STON1: variants seen among roughly 807,000 people sequenced by gnomAD.
The protein encoded by STON1 is stonin 1.
In STON1, 79 loss-of-function variants were observed where a neutral mutation model predicts 60.9. That is an observed-to-expected ratio of 1.30 (90% CI 1.08 to 1.56). The LOEUF (loss-of-function observed/expected upper bound fraction) is 1.56, where lower values mean the gene tolerates loss of function less well. STON1 is among the 40% of genes most tolerant of loss of function. The probability of loss-of-function intolerance (pLI) is 0.00; values close to 1 mark genes in which losing one functional copy is unlikely to be tolerated. For synonymous variants in STON1, 363 were observed against 306.9 expected (o/e 1.18, Z -1.91); for missense variants, 1,166 against 858.9 (o/e 1.36, Z -4.47).
intron 2 of STON1, 98 bp downstream of exon 2, chr2:48,582,661 T>G: frequency 2.0e-6 from 3 of 1,497,112 alleles, no homozygotes; most frequent in South Asian, 2.8e-5. Context: ...AGATGGCAAT[T>G]TGTCAGCTGA....
chr2:48,562,871 T>A (rs1374707178), intron 1 of STON1, among the ~76,000 whole-genome samples: 2 of 152,168 alleles, frequency 1.3e-5, no homozygotes, highest in Non-Finnish European at 2.9e-5. Context: ...AAAGCCCCCA[T>A]TAAGGGAGCT....
intron 1 of STON1, among the ~76,000 whole-genome samples, chr2:48,571,441 C>A (rs146819134): frequency 1.3e-5 from 2 of 152,262 alleles, no homozygotes; most frequent in East Asian, 1.9e-4. Flanking sequence ...TTAAATGAGA[C>A]GTTGCCTGTG....
intron 1 of STON1, among the ~76,000 whole-genome samples, chr2:48,565,426 C>G (rs995471231): frequency 6.6e-6 from 1 of 151,968 alleles, no homozygotes; most frequent in African/African-American, 2.4e-5. Flanking sequence ...TCTAATGGCC[C>G]CATCTCTAAA....
At chr2:48,586,321 T>C (rs1296653424) in intron 2 of STON1, among the ~76,000 whole-genome samples, 1 of 152,212 alleles carries the variant, frequency 6.6e-6, no homozygotes. Context: ...ATAGGTTCTG[T>C]GCTGAGTGTT....
chr2:48,555,543 G>A (rs1223747095), intron 1 of STON1, among the ~76,000 whole-genome samples: 1 of 68,590 alleles, frequency 1.5e-5, no homozygotes, highest in Non-Finnish European at 3.0e-5. Flanking sequence ...CTGGCCGGGC[G>A]TGGGGCTGAC....
chr2:48,564,204 T>G (rs916894794), intron 1 of STON1, among the ~76,000 whole-genome samples: 1 of 152,168 alleles, frequency 6.6e-6, no homozygotes, highest in Non-Finnish European at 1.5e-5. Context: ...GTCTTCAAGT[T>G]TGAGCTACTA....
intron 2 of STON1, among the ~76,000 whole-genome samples, chr2:48,584,403 G>A (rs548804243): frequency 1.3e-5 from 2 of 152,010 alleles, no homozygotes; most frequent in African/African-American, 4.8e-5. Context: ...GAGTAGCTGG[G>A]ACGACAGGCG....
chr2:48,584,392 C>T (rs1041640810), intron 2 of STON1, among the ~76,000 whole-genome samples: 5 of 151,952 alleles, frequency 3.3e-5, no homozygotes, highest in Admixed American at 6.6e-5. Context: ...CTCAGCCTCC[C>T]GAGTAGCTGG....
chr2:48,592,618 A>ATTATTATTG (rs1391296776), intron 3 of STON1, among the ~76,000 whole-genome samples: 2 of 147,414 alleles, frequency 1.4e-5, no homozygotes, highest in African/African-American at 5.0e-5. Flanking sequence ...TATTATTATT[A>ATTATTATTG]TTATTATTAT....
chr2:48,591,631 A>C (rs1257317407), intron 2 of STON1, 22 bp from the exon 3 acceptor site: 1 of 1,610,372 alleles, frequency 6.2e-7, no homozygotes, highest in South Asian at 1.1e-5. Context: ...TACTTTGACT[A>C]TTTGATTTTT....
intron 3 of STON1, among the ~76,000 whole-genome samples, chr2:48,592,581 A>C (rs1021598664): frequency 6.8e-5 from 10 of 146,484 alleles, no homozygotes; most frequent in Admixed American, 2.1e-4. Context: ...ACAGCCACCC[A>C]CCACCACACC....
At chr2:48,587,475 T>G (rs748445110) in intron 2 of STON1, among the ~76,000 whole-genome samples, 4 of 152,088 alleles carry the variant, frequency 2.6e-5, no homozygotes, top group Non-Finnish European at 4.4e-5. Flanking sequence ...GTGTTTTTAG[T>G]AGAGATGGGG....
chr2:48,591,722 G>T lies in STON1; in HGVS notation c.2000G>T (p.Trp667Leu). The T allele has an allele frequency of 2.5e-6, 4 of 1,613,978 alleles. No individual in the cohort carries two copies. The highest frequency in any genetic ancestry group is 3.4e-6 in the Non-Finnish European group (4 of 1,179,998). Reference sequence around the variant, plus strand: ...TCAGACCAAGAAATTCCCTCTGATTGGTATCCATTTGCTACTGTTCAGTTT... The same window carrying T: ...TCAGACCAAGAAATTCCCTCTGATTTGTATCCATTTGCTACTGTTCAGTTT... ...LGSDQEIPSD[W>L]YPFATVQFSV... The change falls in exon 3 of 4, where the codon TGG becomes TTG. Residue 667 changes from tryptophan to leucine, a missense_variant. Coordinates refer to ENST00000404752, the MANE Select transcript of STON1 (RefSeq NM_006873.4).
intron 1 of STON1, among the ~76,000 whole-genome samples, chr2:48,576,374 G>C (rs1673501322): frequency 6.6e-6 from 1 of 151,326 alleles, no homozygotes; most frequent in Non-Finnish European, 1.5e-5. Flanking sequence ...ATTTTTAGTA[G>C]AGATGAGTTT....
At position 48,596,229 on chromosome 2, in the gene STON1, T is replaced by A. The variant is rs1289659120; in HGVS notation, c.*927T>A. ...TATGATTATTTTATACTAGTTCTGC[T>A]ATCATGCTGTTTTATGCTAATTCTG... On this transcript the variant is annotated 3_prime_UTR_variant, in exon 4 of 4. Coordinates refer to ENST00000404752, the MANE Select transcript of STON1 (RefSeq NM_006873.4). 6.6e-6 allele frequency: 1 copy of A among 152,248 alleles called. No individual in the cohort carries two copies. The highest frequency in any genetic ancestry group is 1.5e-5 in the Non-Finnish European group (1 of 68,040). The allele number at this position is 152,248 out of a possible 1,614,324, so 9.4% of individuals were successfully genotyped here.
chr2:48,533,588 G>A (rs1218271161), intron 1 of STON1, among the ~76,000 whole-genome samples: 4 of 148,494 alleles, frequency 2.7e-5, no homozygotes, highest in African/African-American at 9.9e-5. Context: ...TACTCGGGAG[G>A]CTGAAGCAGG....
intron 1 of STON1, among the ~76,000 whole-genome samples, chr2:48,567,927 G>C (rs148738846): frequency 6.6e-6 from 1 of 152,188 alleles, no homozygotes; most frequent in Non-Finnish European, 1.5e-5. Context: ...GAGGAGTCTG[G>C]CGCTATAGGG....
At chr2:48,563,665 C>T (rs1357657122) in intron 1 of STON1, among the ~76,000 whole-genome samples, 2 of 151,122 alleles carry the variant, frequency 1.3e-5, no homozygotes, top group African/African-American at 4.9e-5. Context: ...ACACCCTCCA[C>T]GTGGCTTTTT....
At chr2:48,580,477 C>T (rs966034534) in intron 1 of STON1, 110 bp from the exon 2 acceptor site, 18 of 1,121,770 alleles carry the variant, frequency 1.6e-5, no homozygotes, top group Non-Finnish European at 1.9e-5. Flanking sequence ...TCCACTTAGC[C>T]ACCAACAGAA....
Sources: allele counts gnomAD v4.1 joint callset (sites outside exome capture counted in the v4.1 genomes callset), GRCh38; gene constraint gnomAD v4.1.1; transcripts MANE v1.5; gene names NCBI Gene and HGNC (gene_info 2026-07-23, HGNC 2026-07-21).